BEND7: variants seen among roughly 807,000 people sequenced by gnomAD.
BEND7 encodes BEN domain containing 7.
In BEND7, 28 loss-of-function variants were observed where a neutral mutation model predicts 50.9. The ratio of observed to expected loss-of-function variants is 0.55; its 90% CI spans 0.41 to 0.75. The LOEUF is 0.75. Ranked by LOEUF, BEND7 falls within the 30% of genes least tolerant of loss-of-function variation. The pLI, the probability that BEND7 is intolerant of heterozygous loss-of-function variation, is 0.00. For missense variants in BEND7, 477 were observed against 491.3 expected (o/e 0.97, Z 0.28); for synonymous variants, 170 against 183.9 (o/e 0.92, Z 0.61).
Position 13,458,207 on chromosome 10 carries a change from T to C in BEND7, c.1064-5549A>G, listed in dbSNP as rs549604518. ...CTGCCCTTTAATTGTATATAAATAA[T>C]GAATCAGCTGCTGGTGGCTGGGCAA... On this transcript the variant is annotated intron_variant, in intron 6 of 8. Transcript: ENST00000466271. Among the ~76,000 whole-genome samples, 7 of 152,362 alleles carry C rather than the reference T, an allele frequency of 4.6e-5. No individual in the cohort carries two copies. The South Asian group carries it at 1.2e-3, about 27-fold the overall frequency.
intron 6 of BEND7, among the ~76,000 whole-genome samples, chr10:13,468,835 C>T (rs2074515193): frequency 1.3e-5 from 2 of 152,200 alleles, no homozygotes; most frequent in Admixed American, 6.5e-5. Flanking sequence ...TTAGTTGATG[C>T]CTCTGCTAAA....
downstream of BEND7, among the ~76,000 whole-genome samples, chr10:13,440,076 C>T (rs1835138861): frequency 2.6e-5 from 4 of 152,280 alleles, no homozygotes; most frequent in South Asian, 6.2e-4. Flanking sequence ...GGTTTGGCGG[C>T]TGGAGGATAG....
intron 6 of BEND7, among the ~76,000 whole-genome samples, chr10:13,457,512 T>C (rs1839248503): frequency 6.6e-6 from 1 of 152,224 alleles, no homozygotes; most frequent in Non-Finnish European, 1.5e-5. Flanking sequence ...AAAACACCTA[T>C]ACAAATAAGT....
intron 2 of BEND7, chr10:13,500,616 G>A (rs910341091): frequency 1.9e-5 from 19 of 986,566 alleles, no homozygotes; most frequent in Non-Finnish European, 2.3e-5. Flanking sequence ...GACTGGCAGG[G>A]ATGCAGGGCT....
At chr10:13,511,520 C>G (rs1031700278) in intron 2 of BEND7, among the ~76,000 whole-genome samples, 1 of 152,076 alleles carries the variant, frequency 6.6e-6, no homozygotes, top group Non-Finnish European at 1.5e-5. Flanking sequence ...TGGGCAGGAA[C>G]GACTGACTCA....
rs116604338 is a variant in BEND7, at chr10:13,520,434, C to T, written c.145+5704G>A. Reference sequence around the variant, plus strand: ...AAGGCGGTTACATGAAAGCTGTGGACAGGGAGATGGGTCGGGTCAGACCGT... The same window carrying T: ...AAGGCGGTTACATGAAAGCTGTGGATAGGGAGATGGGTCGGGTCAGACCGT... On this transcript the variant is annotated intron_variant, in intron 2 of 8. Transcript: ENST00000466271. Among the ~76,000 whole-genome samples, 1,414 of 152,052 alleles carry T rather than the reference C, an allele frequency of 9.3e-3. 16 individuals are homozygous for T. The highest frequency in any genetic ancestry group is 0.032 in the African/African-American group (1,337 of 41,458).
intron 8 of BEND7, chr10:13,444,102 G>A (rs1409569216): frequency 1.3e-5 from 2 of 151,708 alleles, no homozygotes; most frequent in Middle Eastern, 3.2e-3. Flanking sequence ...CAGCTCCTGG[G>A]TGGCTTTTCT....
At chr10:13,485,902 G>C (rs2076191939) in intron 5 of BEND7, among the ~76,000 whole-genome samples, 2 of 151,990 alleles carry the variant, frequency 1.3e-5, no homozygotes, top group Admixed American at 1.3e-4. Flanking sequence ...ATTTTTTAGA[G>C]ACAGGATCTC....
At chr10:13,529,189 C>T (rs2079582917), upstream of BEND7, among the ~76,000 whole-genome samples, 1 of 145,416 alleles carries the variant, frequency 6.9e-6, no homozygotes, top group Non-Finnish European at 1.5e-5. Context: ...GAGGCCGCGG[C>T]GCAGCGCCCT....
chr10:13,458,975 G>C (rs971070233), intron 6 of BEND7, among the ~76,000 whole-genome samples: 5 of 152,228 alleles, frequency 3.3e-5, no homozygotes, highest in African/African-American at 1.2e-4. Flanking sequence ...GTGATCCTCA[G>C]TTACTGATGA....
intron 2 of BEND7, chr10:13,500,552 G>C (rs1390482815): frequency 2.0e-6 from 2 of 990,008 alleles, no homozygotes; most frequent in African/African-American, 3.5e-5. Context: ...AAGGAAGAAA[G>C]CCTGGACTGG....
intron 2 of BEND7, among the ~76,000 whole-genome samples, chr10:13,525,136 G>A (rs551636737): frequency 3.7e-4 from 57 of 152,292 alleles, no homozygotes; most frequent in African/African-American, 1.3e-3. Flanking sequence ...GCTGTGCAGT[G>A]CTGTGCCCTC....
intron 2 of BEND7, among the ~76,000 whole-genome samples, chr10:13,519,455 A>G (rs989098021): frequency 5.9e-5 from 9 of 151,848 alleles, no homozygotes; most frequent in South Asian, 2.1e-4. Context: ...CAGCCTGGGC[A>G]ACAGAGCGAG....
intron 6 of BEND7, among the ~76,000 whole-genome samples, chr10:13,479,294 C>G (rs2075691853): frequency 6.6e-6 from 1 of 152,100 alleles, no homozygotes; most frequent in Admixed American, 6.5e-5. Context: ...CAGGTTTGAG[C>G]CACCGCGCCT....
At chr10:13,439,509 A>C, downstream of BEND7, 1 of 1,582,224 alleles carries the variant, frequency 6.3e-7, no homozygotes, top group Non-Finnish European at 8.6e-7. Context: ...TGTGGAATGA[A>C]TGAATGAGTG....
At position 13,444,039 on chromosome 10, in the gene BEND7, C is replaced by G. The variant is rs535561058; in HGVS notation, c.1235-2289G>C. 3.9e-5 allele frequency: 6 copies of G among 152,202 alleles called. No homozygotes were observed. The South Asian group carries it at 1.2e-3, about 32-fold the overall frequency. The allele number at this position is 152,202 out of a possible 1,614,324, so 9.4% of individuals were successfully genotyped here. On this transcript the variant is annotated intron_variant, in intron 8 of 8. Coordinates refer to ENST00000466271, the MANE Select transcript of BEND7 (RefSeq NM_001369863.1). ...AAGCCCCATTTTAAATTTTAGAAAG[C>G]ACTGTTTTGATTTCACTTTCTCTAT...
chr10:13,507,170 T>C (rs1279294008), intron 2 of BEND7, among the ~76,000 whole-genome samples: 3 of 152,126 alleles, frequency 2.0e-5, no homozygotes, highest in Non-Finnish European at 4.4e-5. Context: ...TGTAAAGAAC[T>C]CAAAACATTC....
Position 13,481,090 on chromosome 10 carries a change from A to G in BEND7, c.872T>C (p.Phe291Ser). The change falls in exon 6 of 9, where the codon TTT becomes TCT. Residue 291 changes from phenylalanine (F) to serine (S), a missense_variant. Coordinates refer to ENST00000466271, the MANE Select transcript of BEND7 (RefSeq NM_001369863.1). The stretch of plus-strand genomic sequence containing the variant: ...AGAGTCCAGCTGAGATTTAGGCATA[A>G]ACACGTCAAAGCCTTCAGCAAGTTG... ...EVQLAEGFDV[F>S]MPKSQLDSIL... 6.2e-7 allele frequency: 1 copy of G among 1,614,144 alleles called. No homozygotes were observed. The highest frequency in any genetic ancestry group is 1.1e-5 in the South Asian group (1 of 91,068).
intron 6 of BEND7, among the ~76,000 whole-genome samples, chr10:13,461,389 G>A (rs777938785): frequency 5.3e-5 from 8 of 152,140 alleles, no homozygotes; most frequent in Non-Finnish European, 1.2e-4. Flanking sequence ...GGGAGGCAAC[G>A]AGCAAGCTCT....
Sources: allele counts gnomAD v4.1 joint callset (sites outside exome capture counted in the v4.1 genomes callset), GRCh38; gene constraint gnomAD v4.1.1; transcripts MANE v1.5; gene names NCBI Gene and HGNC (gene_info 2026-07-23, HGNC 2026-07-21).